Variants in TBCK observed in about 807,000 individuals in gnomAD.
TBCK encodes TBC1 domain containing kinase.
Under a neutral mutation model 113.4 loss-of-function variants are expected in TBCK, and 99 were observed. That is an observed-to-expected ratio of 0.87 (90% CI 0.74 to 1.03). The LOEUF (loss-of-function observed/expected upper bound fraction) is 1.03. Ranked by LOEUF, TBCK falls within the 50% of genes least tolerant of loss-of-function variation. TBCK has a pLI of 0.00. For missense variants in TBCK, 1,045 were observed against 1,061.3 expected (o/e 0.98, Z 0.21); for synonymous variants, 369 against 370.8 (o/e 1.00, Z 0.05).
rs759791904 is a variant in TBCK at position 106,244,616 on chromosome 4, C to T, written c.1070+10G>A. On this transcript the variant is annotated intron_variant, in intron 11 of 25. Coordinates refer to ENST00000394708, the MANE Select transcript of TBCK (RefSeq NM_001163435.3). Reference sequence around the variant, plus strand: ...TTATTTAAATTCCCAAGAGAAGTTTCTTTCCTTACTTGGGGAGTGTGCAGA... The same window carrying T: ...TTATTTAAATTCCCAAGAGAAGTTTTTTTCCTTACTTGGGGAGTGTGCAGA... 2.6e-6 allele frequency: 4 copies of T among 1,551,794 alleles called. No homozygotes were observed. The highest frequency in any genetic ancestry group is 3.5e-6 in the Non-Finnish European group (4 of 1,156,352).
intron 23 of TBCK, among the ~76,000 whole-genome samples, chr4:106,165,015 G>A (rs1032848617): frequency 6.6e-6 from 1 of 151,576 alleles, no homozygotes; most frequent in African/African-American, 2.4e-5. Flanking sequence ...TCTTGGGTTA[G>A]TATATGTATT....
At chr4:106,086,772 C>T (rs771233114) in intron 25 of TBCK, among the ~76,000 whole-genome samples, 2 of 152,136 alleles carry the variant, frequency 1.3e-5, no homozygotes, top group Non-Finnish European at 2.9e-5. Flanking sequence ...GTAAAGCTGG[C>T]TCAACAGATG....
intron 9 of TBCK, 82 bp downstream of exon 9, chr4:106,248,163 C>A: frequency 1.2e-6 from 1 of 835,928 alleles, no homozygotes; most frequent in South Asian, 2.0e-5. Flanking sequence ...TATCTTTAAT[C>A]CATTATATTA....
chr4:106,283,347 A>G lies in TBCK; in HGVS notation c.266+11747T>C, dbSNP rs1184860190. Among the ~76,000 whole-genome samples, 3 of 152,146 alleles carry G rather than the reference A, an allele frequency of 2.0e-5. No homozygotes were observed. The East Asian group carries it at 5.8e-4, about 29-fold the overall frequency. The stretch of plus-strand genomic sequence containing the variant: ...TTAATTCTATAACTGTAGACTAACA[A>G]TTATAAGCCTGAAGGGGGAAAGATA... On this transcript the variant is annotated intron_variant, in intron 3 of 25. Coordinates refer to ENST00000394708, the MANE Select transcript of TBCK (RefSeq NM_001163435.3).
chr4:106,191,352 A>C (rs141937508), intron 22 of TBCK, among the ~76,000 whole-genome samples: 79 of 152,176 alleles, frequency 5.2e-4, no homozygotes, highest in African/African-American at 1.7e-3. Context: ...TATAAAATGA[A>C]AATAGTATTA....
chr4:106,281,769 T>C (rs996697579), intron 3 of TBCK, among the ~76,000 whole-genome samples: 9 of 152,288 alleles, frequency 5.9e-5, no homozygotes, highest in Middle Eastern at 3.4e-3. Flanking sequence ...AAAGCTCACT[T>C]GATCATGACG....
chr4:106,155,232 A>G (rs1449358566), intron 23 of TBCK, among the ~76,000 whole-genome samples: 1 of 151,908 alleles, frequency 6.6e-6, no homozygotes, highest in Non-Finnish European at 1.5e-5. Context: ...TGCCGGACAT[A>G]TAAGAGTTCC....
chr4:106,249,114 ATT>A (rs1433655233), intron 7 of TBCK, 132 bp from the exon 8 acceptor site: 3 of 536,356 alleles, frequency 5.6e-6, no homozygotes, highest in Non-Finnish European at 9.6e-6. Context: ...AAACTTTATC[ATT>A]TTGTTAAATT....
chr4:106,262,259 T>C, intron 3 of TBCK, 47 bp from the exon 4 acceptor site: 1 of 1,063,258 alleles, frequency 9.4e-7, no homozygotes, highest in Non-Finnish European at 1.4e-6. Context: ...AGCAAATAAA[T>C]AACTTGTTTT....
At chr4:106,048,436 C>T (rs569306258) in intron 25 of TBCK, among the ~76,000 whole-genome samples, 11 of 152,176 alleles carry the variant, frequency 7.2e-5, no homozygotes, top group African/African-American at 2.6e-4. Context: ...TGAAGAGAAA[C>T]AGTGCTCCTG....
chr4:106,092,506 G>T (rs939580977), intron 25 of TBCK, among the ~76,000 whole-genome samples: 2 of 152,354 alleles, frequency 1.3e-5, no homozygotes, highest in Non-Finnish European at 2.9e-5. Flanking sequence ...GTTGGGGGGA[G>T]GCTCAGGCAT....
At chr4:106,077,326 G>A (rs557723060) in intron 25 of TBCK, among the ~76,000 whole-genome samples, 61 of 152,034 alleles carry the variant, frequency 4.0e-4, no homozygotes, top group African/African-American at 9.4e-4. Flanking sequence ...TAGCAATATC[G>A]ACCATGAATG....
At chr4:106,264,765 T>C (rs1254787364) in intron 3 of TBCK, among the ~76,000 whole-genome samples, 4 of 151,982 alleles carry the variant, frequency 2.6e-5, no homozygotes, top group Non-Finnish European at 5.9e-5. Context: ...TTATATCTCA[T>C]ACTATTTTTA....
At chr4:106,215,123 T>A (rs1197128086) in intron 19 of TBCK, among the ~76,000 whole-genome samples, 1 of 151,104 alleles carries the variant, frequency 6.6e-6, no homozygotes, top group Non-Finnish European at 1.5e-5. Flanking sequence ...CTAAGCTTCA[T>A]AAGTGAAGGA....
intron 3 of TBCK, 132 bp downstream of exon 3, chr4:106,294,961 CA>C (rs1766127368): frequency 6.8e-6 from 4 of 584,776 alleles, no homozygotes. Flanking sequence ...TAAATTTTCT[CA>C]AGTGAAAATT....
intron 2 of TBCK, among the ~76,000 whole-genome samples, chr4:106,298,633 C>T (rs1051654433): frequency 7.9e-5 from 12 of 151,606 alleles, no homozygotes; most frequent in African/African-American, 2.4e-4. Context: ...AAAAAGAAGA[C>T]GAAAAGTGCT....
chr4:106,306,730 G>A (rs1767568620), intron 2 of TBCK, among the ~76,000 whole-genome samples: 1 of 152,094 alleles, frequency 6.6e-6, no homozygotes, highest in African/African-American at 2.4e-5. Flanking sequence ...TCAAAGCTAG[G>A]TTTCTATCAG....
chr4:106,242,691 A>G (rs1760297633), intron 11 of TBCK, 122 bp from the exon 12 acceptor site: 1 of 548,678 alleles, frequency 1.8e-6, no homozygotes. Context: ...TTTAGACTGG[A>G]TGTTTAATAA....
In TBCK at chr4:106,274,645, T is replaced by C. The variant is rs560853257; in HGVS notation, c.267-12433A>G. On this transcript the variant is annotated intron_variant, in intron 3 of 25. Transcript: ENST00000394708. ...TAGGTAAATTCATACAGGAAGTAAGTGGATTAGTGGTTTCCAGGGGTGGGG... is the reference window on the plus strand; with the variant it reads ...TAGGTAAATTCATACAGGAAGTAAGCGGATTAGTGGTTTCCAGGGGTGGGG... Among the ~76,000 whole-genome samples the C allele has an allele frequency of 2.6e-3, 392 of 152,204 alleles. 4 individuals are homozygous for C. The highest frequency in any genetic ancestry group is 9.0e-3 in the African/African-American group (374 of 41,522).
Sources: gnomAD v4.1 joint callset for allele counts (sites outside exome capture counted in the v4.1 genomes callset) on GRCh38, gnomAD v4.1.1 for gene constraint, MANE v1.5 for transcripts, NCBI Gene and HGNC (gene_info 2026-07-23, HGNC 2026-07-21) for gene names.